Variants in MUCL3 observed in about 807,000 individuals in gnomAD.
MUCL3 encodes the protein mucin like 3, also known as mucin-like protein 3.
Under a neutral mutation model 70.2 loss-of-function variants are expected in MUCL3, and 42 were observed. The ratio of observed to expected loss-of-function variants is 0.60; its 90% confidence interval spans 0.47 to 0.77. The LOEUF (loss-of-function observed/expected upper bound fraction) is 0.77. Among genes scored for constraint, MUCL3 ranks in the 30% least tolerant of loss-of-function variants. The pLI is 0.00. For missense variants in MUCL3, 1,429 were observed against 1,670.0 expected (o/e 0.86, Z 2.52); for synonymous variants, 522 against 647.0 (o/e 0.81, Z 2.93).
In MUCL3 at chr6:30,950,330, T is replaced by C; in HGVS notation, c.1866T>C (p.Pro622=). ...NENTTPSPAE[P]TENRERTANE... Reference sequence around the variant, plus strand: ...ACACCACACCATCCCCGGCAGAGCCTACAGAAAATAGAGAAAGGACAGCCA... The same window carrying C: ...ACACCACACCATCCCCGGCAGAGCCCACAGAAAATAGAGAAAGGACAGCCA... The change falls in exon 2 of 3, where the codon CCT becomes CCC. Residue 622 remains proline (P), a synonymous_variant. Coordinates refer to ENST00000462446, the MANE Select transcript of MUCL3 (RefSeq NM_080870.4). 6.5e-7 allele frequency: 1 copy of C among 1,543,882 alleles called. No homozygotes were observed. Among genetic ancestry groups the C allele is most frequent in the Non-Finnish European group, 8.7e-7 (1 of 1,145,758 alleles).
intron 1 of MUCL3, among the ~76,000 whole-genome samples, chr6:30,947,568 C>T: frequency 6.6e-6 from 1 of 151,698 alleles, no homozygotes; most frequent in Non-Finnish European, 1.5e-5. Flanking sequence ...CTGTCTCCAT[C>T]AGGTTGTTTT....
chr6:30,954,079 G>A lies in MUCL3; in HGVS notation c.*962G>A, dbSNP rs1760843116. The stretch of plus-strand genomic sequence containing the variant: ...CCTTGTAGGCATTTCATCTGTGTGT[G>A]TTTTCTGGATTTTCTCTCTCTCTTC... On this transcript the variant is annotated 3_prime_UTR_variant, in exon 3 of 3. Transcript: ENST00000462446. This position sits in a 1 kb window ranked among gnomAD's most constrained non-coding sequence, Gnocchi z 4.4. The A allele has an allele frequency of 6.6e-6, 1 of 152,178 alleles. No homozygotes were observed. Among genetic ancestry groups the A allele is most frequent in the Non-Finnish European group, 1.5e-5 (1 of 68,070 alleles). 9.4% of individuals were successfully genotyped at this position (152,178 alleles called of 1,614,324 possible).
Position 30,949,846 on chromosome 6 carries a change from C to T in MUCL3, c.1382C>T (p.Thr461Ile). 3.2e-6 allele frequency: 5 copies of T among 1,549,332 alleles called. No homozygotes were observed. Among genetic ancestry groups the T allele is most frequent in the South Asian group, 1.2e-5 (1 of 83,906 alleles). The change falls in exon 2 of 3, where the codon ACA becomes ATA. Residue 461 changes from threonine to isoleucine, a missense_variant. By Grantham distance (89) the Thr-to-Ile change is moderately conservative. Transcript: ENST00000462446. ...ENTTPSPAGP[T>I]ENRETTANEK... ...ACCACACCATCCCCAGCAGGGCCTA[C>T]AGAAAACAGAGAAACGACAGCCAAC... is the stretch of plus-strand genomic sequence containing the variant.
Position 30,950,273 on chromosome 6 carries a change from A to G in MUCL3, c.1809A>G (p.Glu603=), listed in dbSNP as rs1760578892. The part of the protein sequence containing the change: ...KTTSSSAEPT[E]HEERTPLANE... ...CATCATCCTCAGCAGAGCCTACAGA[A>G]CACGAAGAAAGGACTCCACTGGCCA... Residue 603 remains glutamate, a synonymous_variant, in exon 2 of 3, where the codon GAA becomes GAG. Coordinates refer to ENST00000462446, the MANE Select transcript of MUCL3 (RefSeq NM_080870.4). 1.5e-5 allele frequency: 24 copies of G among 1,550,456 alleles called. No individual in the cohort carries two copies. The highest frequency in any genetic ancestry group is 2.8e-5 in the African/African-American group (2 of 72,416).
chr6:30,946,105 G>A (rs1795766749), intron 1 of MUCL3: 1 of 152,432 alleles, frequency 6.6e-6, no homozygotes, highest in South Asian at 2.1e-4. Context: ...GGTGGCCACA[G>A]CAGGTGAGAG....
chr6:30,948,406 A>C, intron 1 of MUCL3, 141 bp from the exon 2 acceptor site: 3 of 662,114 alleles, frequency 4.5e-6, no homozygotes, highest in Non-Finnish European at 7.4e-6. Context: ...AGAATGGGGA[A>C]TAGATATCAT....
rs748776384 is a variant in MUCL3, at chr6:30,951,548, A to G, written c.3084A>G (p.Pro1028=). The G allele has an allele frequency of 3.2e-6, 5 of 1,551,756 alleles. No individual in the cohort carries two copies. In the East Asian group the frequency reaches 7.4e-5, roughly 23 times the overall value. ...CTACAGAACATGGAGAAAGGACACC[A>G]TCAGCCAATGAGAAGACCATACCAT... ...AEPTEHGERT[P]SANEKTIPSP... The change falls in exon 2 of 3, where the codon CCA becomes CCG. Residue 1028 remains proline, a synonymous_variant. Coordinates refer to ENST00000462446, the MANE Select transcript of MUCL3 (RefSeq NM_080870.4).
chr6:30,948,341 G>A (rs1760403410), intron 1 of MUCL3, among the ~76,000 whole-genome samples: 2 of 152,200 alleles, frequency 1.3e-5, no homozygotes, highest in Admixed American at 1.3e-4. Flanking sequence ...GATGTGGAAG[G>A]GGATGAGGTG....
At position 30,950,054 on chromosome 6, in the gene MUCL3, T is replaced by C. The variant is rs1283158800; in HGVS notation, c.1590T>C (p.Asn530=). The change falls in exon 2 of 3, where the codon AAT becomes AAC. Residue 530 remains asparagine, a synonymous_variant. Transcript: ENST00000462446. The stretch of plus-strand genomic sequence containing the variant: ...ACGGAGAAAGGACCCCACTGGCCAA[T>C]GAGAACACCACACCATCCCCAGCAG... ...TEHGERTPLA[N]ENTTPSPAEP... is the part of the protein sequence containing the mutation. 113 of 1,526,348 alleles carry C rather than the reference T, an allele frequency of 7.4e-5. No homozygotes were observed. The highest frequency in any genetic ancestry group is 6.8e-4 in the African/African-American group (44 of 64,556). The allele number at this position is 1,526,348 out of a possible 1,614,324, so 94.6% of individuals were successfully genotyped here.
chr6:30,950,018 G>T lies in MUCL3; in HGVS notation c.1554G>T (p.Glu518Asp). ...AGAAAACCACATCATCCTCAGCAGA[G>T]CCTACAGAACACGGAGAAAGGACCC... is the stretch of plus-strand genomic sequence containing the variant. ...ANEKTTSSSA[E>D]PTEHGERTPL... The change falls in exon 2 of 3, where the codon GAG (glutamate) becomes GAT (aspartate). Residue 518 changes from glutamate to aspartate, a missense_variant. Physicochemically the swap from Glu to Asp is conservative, Grantham distance 45. Transcript: ENST00000462446. 1 of 1,544,270 alleles carries T rather than the reference G, an allele frequency of 6.5e-7. No individual in the cohort carries two copies. Among genetic ancestry groups the T allele is most frequent in the Non-Finnish European group, 8.7e-7 (1 of 1,145,824 alleles).
chr6:30,949,048 C>T lies in MUCL3; in HGVS notation c.584C>T (p.Thr195Ile). The T allele has an allele frequency of 6.4e-7, 1 of 1,551,536 alleles. No individual in the cohort carries two copies. Among genetic ancestry groups the T allele is most frequent in the Non-Finnish European group, 8.7e-7 (1 of 1,146,956 alleles). Residue 195 changes from threonine (T) to isoleucine (I), a missense_variant, in exon 2 of 3, where the codon ACT (threonine) becomes ATT (isoleucine). Coordinates refer to ENST00000462446, the MANE Select transcript of MUCL3 (RefSeq NM_080870.4). ...AGACCTTTGGAAAAGTCCATGAGTA[C>T]TTTGGATAAGACAAGTACCAGCTCA... ...TGRPLEKSMSTLDKTSTSSHK... is the reference protein window; with the variant it reads ...TGRPLEKSMSILDKTSTSSHK...
chr6:30,949,292 T>C lies in MUCL3; in HGVS notation c.828T>C (p.Asn276=). The stretch of plus-strand genomic sequence containing the variant: ...ACATACAAGAGACCATATCAGCCAA[T>C]GAGCTCACACAATCTCTAGCAGAGC... ...TKNIQETISA[N]ELTQSLAEPT... is the part of the protein sequence containing the mutation. Residue 276 remains asparagine, a synonymous_variant, in exon 2 of 3, where the codon AAT becomes AAC. Coordinates refer to ENST00000462446, the MANE Select transcript of MUCL3 (RefSeq NM_080870.4). 6.4e-7 allele frequency: 1 copy of C among 1,551,622 alleles called. No homozygotes were observed. The highest frequency in any genetic ancestry group is 1.2e-5 in the South Asian group (1 of 84,042).
intron 1 of MUCL3, among the ~76,000 whole-genome samples, chr6:30,943,763 A>G (rs114481494): frequency 0.017 from 2,653 of 152,358 alleles, 55 homozygotes; most frequent in East Asian, 0.064. Flanking sequence ...TCATTGTAGA[A>G]AATGGAAAAT....
chr6:30,943,726 A>G (rs142811320), intron 1 of MUCL3, among the ~76,000 whole-genome samples: 1 of 152,276 alleles, frequency 6.6e-6, no homozygotes, highest in Non-Finnish European at 1.5e-5. Flanking sequence ...TATTTGATTT[A>G]ATTTCTATAA....
chr6:30,941,390 T>C lies in MUCL3; in HGVS notation c.82+309T>C, dbSNP rs201366826. ...GGTGGGGGTAGGCACCTGACATTCA[T>C]TGAGCACCGTGCACGGAATTCACAG... On this transcript the variant is annotated intron_variant, in intron 1 of 2. Coordinates refer to ENST00000462446, the MANE Select transcript of MUCL3 (RefSeq NM_080870.4). Among the ~76,000 whole-genome samples the C allele has an allele frequency of 3.3e-4, 50 of 152,114 alleles. No individual in the cohort carries two copies. In the East Asian group the frequency reaches 7.1e-3, roughly 22 times the overall value.
rs1002824915 is a variant in MUCL3 at position 30,953,232 on chromosome 6, G to A, written c.*115G>A. Reference sequence around the variant, plus strand: ...ACAGGAAGGGCAGAGAATACTGACGGTTACCAGTATTAACCCTTCATCTGT... The same window carrying A: ...ACAGGAAGGGCAGAGAATACTGACGATTACCAGTATTAACCCTTCATCTGT... On this transcript the variant is annotated 3_prime_UTR_variant, in exon 3 of 3. Transcript: ENST00000462446. The A allele has an allele frequency of 4.9e-6, 7 of 1,421,428 alleles. No individual in the cohort carries two copies. Among genetic ancestry groups the A allele is most frequent in the Non-Finnish European group, 6.6e-6 (7 of 1,065,880 alleles). The allele number at this position is 1,421,428 out of a possible 1,614,324, so 88.1% of individuals were successfully genotyped here.
At chr6:30,941,363 A>G (rs1460340744) in intron 1 of MUCL3, among the ~76,000 whole-genome samples, 1 of 151,386 alleles carries the variant, frequency 6.6e-6, no homozygotes, top group Admixed American at 6.6e-5. Context: ...CCAGCCCTGG[A>G]TGGTGGGGGT....
At chr6:30,948,051 A>T (rs986514747) in intron 1 of MUCL3, among the ~76,000 whole-genome samples, 25 of 152,338 alleles carry the variant, frequency 1.6e-4, no homozygotes, top group African/African-American at 6.0e-4. Flanking sequence ...GCTATGCCAT[A>T]GAAAGAAGAC....
At chr6:30,941,102 A>T in intron 1 of MUCL3, 21 bp downstream of exon 1, 1 of 1,547,698 alleles carries the variant, frequency 6.5e-7, no homozygotes. Flanking sequence ...CACAGGGGAT[A>T]CAGAAGACAG....
Sources: gnomAD v4.1 joint callset for allele counts (sites outside exome capture counted in the v4.1 genomes callset) on GRCh38, gnomAD v4.1.1 for gene constraint, Gnocchi (gnomAD v3.1) non-coding constraint, MANE v1.5 for transcripts, NCBI Gene and HGNC (gene_info 2026-07-23, HGNC 2026-07-21) for gene names.